Variants in CNTNAP2 observed in about 807,000 individuals in gnomAD.
CNTNAP2 encodes the protein contactin-associated protein-like 2.
CNTNAP2 carries 98 observed loss-of-function variants against 155.2 expected under a neutral mutation model. That is an observed-to-expected ratio of 0.63 (90% confidence interval 0.54 to 0.75). The LOEUF (loss-of-function observed/expected upper bound fraction) is 0.75. Among genes scored for constraint, CNTNAP2 ranks in the 30% least tolerant of loss-of-function variants. The pLI is 0.00. For synonymous variants in CNTNAP2, 651 were observed against 631.2 expected (o/e 1.03, Z -0.47); for missense variants, 1,727 against 1,688.1 (o/e 1.02, Z -0.40).
intron 4 of CNTNAP2, among the ~76,000 whole-genome samples, chr7:147,058,349 C>T (rs1479154018): frequency 6.6e-6 from 1 of 152,072 alleles, no homozygotes; most frequent in African/African-American, 2.4e-5. Context: ...AAAGTGTATT[C>T]TCTAATATTC....
intron 10 of CNTNAP2, among the ~76,000 whole-genome samples, chr7:147,463,528 C>G (rs573771211): frequency 9.9e-5 from 15 of 152,010 alleles, no homozygotes; most frequent in Non-Finnish European, 2.1e-4. Flanking sequence ...AAAACAAAAC[C>G]CTGTGTCATG....
chr7:146,862,964 G>A (rs1795133796), intron 3 of CNTNAP2, among the ~76,000 whole-genome samples: 1 of 152,168 alleles, frequency 6.6e-6, no homozygotes, highest in South Asian at 2.1e-4. Context: ...CATGCATATA[G>A]ATTTCCACTT....
At chr7:148,395,692 G>A (rs1263380821) in intron 22 of CNTNAP2, among the ~76,000 whole-genome samples, 1 of 152,106 alleles carries the variant, frequency 6.6e-6, no homozygotes, top group Non-Finnish European at 1.5e-5. Flanking sequence ...ACACCTCACA[G>A]GCCATCCTCT....
At chr7:146,405,388 T>C (rs1795776513) in intron 1 of CNTNAP2, among the ~76,000 whole-genome samples, 1 of 152,234 alleles carries the variant, frequency 6.6e-6, no homozygotes. Flanking sequence ...CGTTGATACC[T>C]AACAAAAGTT....
chr7:148,215,413 G>A (rs926560337), intron 18 of CNTNAP2, among the ~76,000 whole-genome samples: 13 of 152,050 alleles, frequency 8.5e-5, no homozygotes, highest in Non-Finnish European at 2.9e-5. Flanking sequence ...AGGTTGCAAT[G>A]GTGTTTGGGC....
chr7:146,886,172 G>A (rs988916001), intron 3 of CNTNAP2, among the ~76,000 whole-genome samples: 3 of 148,918 alleles, frequency 2.0e-5, no homozygotes, highest in Non-Finnish European at 4.4e-5. Flanking sequence ...CTGGAGGAAT[G>A]TTTTTTCATG....
At chr7:146,167,002 G>T (rs941203854) in intron 1 of CNTNAP2, among the ~76,000 whole-genome samples, 1 of 152,230 alleles carries the variant, frequency 6.6e-6, no homozygotes, top group Non-Finnish European at 1.5e-5. Context: ...GTAGGGGGAA[G>T]GAATCAGGCA....
At chr7:146,872,648 A>G (rs1795337143) in intron 3 of CNTNAP2, among the ~76,000 whole-genome samples, 1 of 152,232 alleles carries the variant, frequency 6.6e-6, no homozygotes, top group Non-Finnish European at 1.5e-5. Flanking sequence ...GCTTGAAGGC[A>G]TCAATGCATC....
intron 13 of CNTNAP2, among the ~76,000 whole-genome samples, chr7:147,892,038 T>A (rs1799704977): frequency 6.6e-6 from 1 of 152,188 alleles, no homozygotes; most frequent in Non-Finnish European, 1.5e-5. Context: ...AAAAAACTTT[T>A]ATCATTTTAA....
chr7:147,114,638 C>A (rs996530993), intron 5 of CNTNAP2, among the ~76,000 whole-genome samples: 14 of 152,086 alleles, frequency 9.2e-5, no homozygotes, highest in African/African-American at 3.1e-4. Context: ...GCAACCCCTG[C>A]TTTTTTCTGT....
intron 10 of CNTNAP2, among the ~76,000 whole-genome samples, chr7:147,484,552 C>T (rs1229873478): frequency 1.6e-4 from 25 of 152,158 alleles, no homozygotes; most frequent in Admixed American, 1.5e-3. Flanking sequence ...TTCTATTTTC[C>T]GTAGTGCTGT....
At chr7:147,493,984 A>G (rs937802061) in intron 11 of CNTNAP2, among the ~76,000 whole-genome samples, 3 of 152,332 alleles carry the variant, frequency 2.0e-5, no homozygotes, top group Admixed American at 2.0e-4. Context: ...TCAAATGTTA[A>G]TAAGCCCTTG....
At chr7:146,184,119 G>T (rs146417819) in intron 1 of CNTNAP2, among the ~76,000 whole-genome samples, 1 of 152,076 alleles carries the variant, frequency 6.6e-6, no homozygotes, top group Non-Finnish European at 1.5e-5. Context: ...GCTTTGCCCC[G>T]AACCAACTAC....
At chr7:147,535,095 A>C (rs951261607) in intron 11 of CNTNAP2, among the ~76,000 whole-genome samples, 3 of 152,128 alleles carry the variant, frequency 2.0e-5, no homozygotes, top group African/African-American at 7.2e-5. Context: ...AACATCTGAT[A>C]ACAATAGGTG....
At chr7:147,532,358 C>G (rs1445028379) in intron 11 of CNTNAP2, among the ~76,000 whole-genome samples, 1 of 152,158 alleles carries the variant, frequency 6.6e-6, no homozygotes, top group African/African-American at 2.4e-5. Context: ...GATCCTGTTC[C>G]CAATAATTTC....
At chr7:147,545,873 C>G (rs1799720048) in intron 11 of CNTNAP2, among the ~76,000 whole-genome samples, 1 of 152,186 alleles carries the variant, frequency 6.6e-6, no homozygotes, top group African/African-American at 2.4e-5. Flanking sequence ...TCATGGGAGA[C>G]AATTTCCCCT....
At chr7:146,667,470 T>C (rs530964787) in intron 1 of CNTNAP2, among the ~76,000 whole-genome samples, 15 of 150,642 alleles carry the variant, frequency 1.0e-4, no homozygotes, top group Admixed American at 4.6e-4. Context: ...TCTTTTGTGG[T>C]TTCATACAAA....
At chr7:147,321,551 C>G (rs1231678437) in intron 9 of CNTNAP2, among the ~76,000 whole-genome samples, 2 of 152,188 alleles carry the variant, frequency 1.3e-5, no homozygotes, top group African/African-American at 4.8e-5. Flanking sequence ...TTACTCTCAT[C>G]TCAGCCTTTA....
intron 14 of CNTNAP2, among the ~76,000 whole-genome samples, chr7:147,917,855 C>T (rs1800187256): frequency 6.6e-6 from 1 of 152,324 alleles, no homozygotes; most frequent in South Asian, 2.1e-4. Flanking sequence ...AGTCCCTCCT[C>T]ACCTTGCATT....
Sources: allele counts gnomAD v4.1 joint callset (sites outside exome capture counted in the v4.1 genomes callset), GRCh38; gene constraint gnomAD v4.1.1; transcripts MANE v1.5; gene names NCBI Gene and HGNC (gene_info 2026-07-23, HGNC 2026-07-21).